DPYSL2: variants seen among roughly 807,000 people sequenced by gnomAD.
DPYSL2 encodes dihydropyrimidinase-related protein 2.
Under a neutral mutation model 69.9 loss-of-function variants are expected in DPYSL2, and 13 were observed. The observed-to-expected ratio is 0.19, with a 90% CI of 0.12 to 0.30. The LOEUF (loss-of-function observed/expected upper bound fraction) is 0.30, where lower values mean the gene tolerates loss of function less well. DPYSL2 is among the 10% of genes least tolerant of loss of function. DPYSL2 has a pLI of 1.00. For missense variants in DPYSL2, 587 were observed against 918.9 expected (o/e 0.64, Z 4.67); for synonymous variants, 326 against 359.1 (o/e 0.91, Z 1.04).
intron 3 of DPYSL2, among the ~76,000 whole-genome samples, chr8:26,596,463 G>T (rs1801863760): frequency 6.6e-6 from 1 of 152,254 alleles, no homozygotes; most frequent in Non-Finnish European, 1.5e-5. Flanking sequence ...GGAAGGGGAT[G>T]ACCCTAGCAG....
At chr8:26,537,611 T>TACACACAC (rs56080102) in intron 1 of DPYSL2, among the ~76,000 whole-genome samples, 1,744 of 147,602 alleles carry the variant, frequency 0.012, 41 homozygotes, top group African/African-American at 0.038. Flanking sequence ...ATTCTCTCTC[T>TACACACAC]ACACACACAC....
In DPYSL2 at chr8:26,653,158, C is replaced by T; in HGVS notation, c.1777-74C>T. 6.6e-7 allele frequency: 1 copy of T among 1,526,288 alleles called. No individual in the cohort carries two copies. The highest frequency in any genetic ancestry group is 1.8e-4 in the Middle Eastern group (1 of 5,694). The allele number at this position is 1,526,288 out of a possible 1,614,324, so 94.5% of individuals were successfully genotyped here. On this transcript the variant is annotated intron_variant, in intron 12 of 13. Transcript: ENST00000521913. The surrounding 1 kb of genome is among the most constrained non-coding windows in gnomAD (Gnocchi z 5.7). ...TCCCTAGATCTCACAGGCCCATCCTCCCTCCAGGAGGGTTTCTAGAGAGGT... is the reference window on the plus strand; with the variant it reads ...TCCCTAGATCTCACAGGCCCATCCTTCCTCCAGGAGGGTTTCTAGAGAGGT...
chr8:26,621,177 A>C lies in DPYSL2; in HGVS notation c.629-2966A>C, dbSNP rs1802473857. On this transcript the variant is annotated intron_variant, in intron 3 of 13. Transcript: ENST00000521913. The surrounding 1 kb of genome is among the most constrained non-coding windows in gnomAD (Gnocchi z 4.9). Reference sequence around the variant, plus strand: ...AATAGAATAAGGTATAATATATAGAAAAAAGGCAGTAAAAATACACCCAAA... The same window carrying C: ...AATAGAATAAGGTATAATATATAGACAAAAGGCAGTAAAAATACACCCAAA... Among the ~76,000 whole-genome samples the C allele has an allele frequency of 6.6e-6, 1 of 152,258 alleles. No homozygotes were observed. Among genetic ancestry groups the C allele is most frequent in the Non-Finnish European group, 1.5e-5 (1 of 68,054 alleles).
chr8:26,527,804 CTT>C (rs34631984), intron 1 of DPYSL2, among the ~76,000 whole-genome samples: 14 of 132,668 alleles, frequency 1.1e-4, no homozygotes, highest in African/African-American at 1.1e-4. Flanking sequence ...TTTGTTTATC[CTT>C]TTTTTTTTTT....
chr8:26,548,745 A>G (rs1163143776), intron 1 of DPYSL2, among the ~76,000 whole-genome samples: 1 of 151,386 alleles, frequency 6.6e-6, no homozygotes, highest in Non-Finnish European at 1.5e-5. Context: ...CAGACATGGT[A>G]GTGCATGCCT....
chr8:26,514,346 C>A lies in DPYSL2; in HGVS notation c.21C>A (p.Ser7=), dbSNP rs1013949665. MAERKQ[S]GKAAEDEEVP... ...GAGCCATGGCCGAGAGAAAGCAATC[C>A]GGGAAGGCGGCAGAGGACGAAGAGG... Residue 7 remains serine (S), a synonymous_variant, in exon 1 of 14, where the codon TCC becomes TCA. Coordinates refer to ENST00000521913, the MANE Select transcript of DPYSL2 (RefSeq NM_001197293.3). This position sits in a 1 kb window ranked among gnomAD's most constrained non-coding sequence, Gnocchi z 8.4. 13 of 1,472,712 alleles carry A rather than the reference C, an allele frequency of 8.8e-6. No individual in the cohort carries two copies. The highest frequency in any genetic ancestry group is 1.7e-4 in the Middle Eastern group (1 of 5,732). 91.2% of individuals were successfully genotyped at this position (1,472,712 alleles called of 1,614,324 possible). A position where few individuals can be genotyped will look rare whatever the true frequency, so the allele number is the denominator to read the frequency against.
intron 3 of DPYSL2, among the ~76,000 whole-genome samples, chr8:26,622,307 A>G (rs1802510727): frequency 6.6e-6 from 1 of 151,920 alleles, no homozygotes; most frequent in South Asian, 2.1e-4. Context: ...TTTGAACTGG[A>G]CATCATTTTT....
intron 7 of DPYSL2, among the ~76,000 whole-genome samples, chr8:26,632,198 T>TG (rs1387359019): frequency 6.6e-6 from 1 of 152,202 alleles, no homozygotes; most frequent in Non-Finnish European, 1.5e-5. Context: ...CATCTGGAAC[T>TG]GAACCATCTG....
At position 26,641,349 on chromosome 8, in the gene DPYSL2, C is replaced by T. The variant is rs1391008183; in HGVS notation, c.1127-2090C>T. 1.3e-5 allele frequency among the ~76,000 whole-genome samples: 2 copies of T among 152,240 alleles called. No individual in the cohort carries two copies. On this transcript the variant is annotated intron_variant, in intron 8 of 13. Coordinates refer to ENST00000521913, the MANE Select transcript of DPYSL2 (RefSeq NM_001197293.3). The surrounding 1 kb of genome is among the most constrained non-coding windows in gnomAD (Gnocchi z 4.1). ...GTTTTCCTGTGACTTACACAGCCCT[C>T]ACCTTTGTGCTTAGATGGACTGTGG... is the stretch of plus-strand genomic sequence containing the variant.
chr8:26,527,804 C>CTTTTT (rs34631984), intron 1 of DPYSL2, among the ~76,000 whole-genome samples: 2 of 132,718 alleles, frequency 1.5e-5, no homozygotes, highest in African/African-American at 5.6e-5. Flanking sequence ...TTTGTTTATC[C>CTTTTT]TTTTTTTTTT....
rs540135227 is a variant in DPYSL2 at position 26,597,720 on chromosome 8, C to T, written c.628+13737C>T. 5.8e-4 allele frequency among the ~76,000 whole-genome samples: 88 copies of T among 151,592 alleles called. No individual in the cohort carries two copies. The highest frequency in any genetic ancestry group is 2.4e-3 in the Admixed American group (36 of 15,250). ...CGATCTCCTGACCTTGTGATCCACCCGCCTCGGCCTCCCAAAGTGCTGGGA... is the reference window on the plus strand; with the variant it reads ...CGATCTCCTGACCTTGTGATCCACCTGCCTCGGCCTCCCAAAGTGCTGGGA... On this transcript the variant is annotated intron_variant, in intron 3 of 13. Transcript: ENST00000521913. The surrounding 1 kb of genome is among the most constrained non-coding windows in gnomAD (Gnocchi z 5.2).
chr8:26,590,266 G>A (rs537090118), intron 3 of DPYSL2, among the ~76,000 whole-genome samples: 13 of 152,212 alleles, frequency 8.5e-5, no homozygotes, highest in African/African-American at 2.7e-4. Context: ...AGAAAGCCAC[G>A]TTATCCAATG....
rs896439643 is a variant in DPYSL2 at position 26,598,015 on chromosome 8, C to T, written c.628+14032C>T. On this transcript the variant is annotated intron_variant, in intron 3 of 13. Coordinates refer to ENST00000521913, the MANE Select transcript of DPYSL2 (RefSeq NM_001197293.3). The surrounding 1 kb of genome is among the most constrained non-coding windows in gnomAD (Gnocchi z 4.2). ...TTATTAGCTCAGGCTCGGTGCCCCA[C>T]GGCTTGGTCCTGGTTTTCTGAATCG... is the stretch of plus-strand genomic sequence containing the variant. 1.3e-5 allele frequency among the ~76,000 whole-genome samples: 2 copies of T among 152,146 alleles called. No homozygotes were observed. The highest frequency in any genetic ancestry group is 2.9e-5 in the Non-Finnish European group (2 of 68,030).
rs533216354 is a variant in DPYSL2 at position 26,654,581 on chromosome 8, T to C, written c.1943-1034T>C. ...GTGTTTTCTGATCTCTCAAAGCTGT[T>C]CCAATATAAGGTGCCATCGTTCCTC... On this transcript the variant is annotated intron_variant, in intron 13 of 13. Transcript: ENST00000521913. This position sits in a 1 kb window ranked among gnomAD's most constrained non-coding sequence, Gnocchi z 5.0. Among the ~76,000 whole-genome samples, 6 of 152,300 alleles carry C rather than the reference T, an allele frequency of 3.9e-5. No individual in the cohort carries two copies. The highest frequency in any genetic ancestry group is 1.3e-4 in the Admixed American group (2 of 15,298).
intron 4 of DPYSL2, among the ~76,000 whole-genome samples, chr8:26,625,078 T>A (rs981621294): frequency 8.5e-5 from 13 of 152,120 alleles, no homozygotes; most frequent in African/African-American, 2.7e-4. Flanking sequence ...GTGAGTGACA[T>A]GGCAAGAGGG....
rs143178301 is a variant in DPYSL2 at position 26,602,432 on chromosome 8, G to A, written c.628+18449G>A. Among the ~76,000 whole-genome samples the A allele has an allele frequency of 2.2e-3, 339 of 152,246 alleles. 2 individuals carry two copies. The highest frequency in any genetic ancestry group is 7.8e-3 in the African/African-American group (324 of 41,532). ...TTTTGGATGTTTTGGATGTAACAGC[G>A]ATGAGATGGCCCCTCCCAGAGCTGA... On this transcript the variant is annotated intron_variant, in intron 3 of 13. Transcript: ENST00000521913.
intron 1 of DPYSL2, among the ~76,000 whole-genome samples, chr8:26,537,155 C>T (rs180720942): frequency 1.2e-4 from 19 of 152,074 alleles, no homozygotes; most frequent in Admixed American, 1.2e-3. Flanking sequence ...TAGGTAATTC[C>T]TACAGAGTTG....
At chr8:26,631,800 A>G (rs933585801) in intron 7 of DPYSL2, among the ~76,000 whole-genome samples, 4 of 152,114 alleles carry the variant, frequency 2.6e-5, no homozygotes, top group Admixed American at 1.3e-4. Flanking sequence ...AGGCTTGGAT[A>G]GTGGCAGAGC....
At position 26,565,082 on chromosome 8, in the gene DPYSL2, A is replaced by G. The variant is rs11135946; in HGVS notation, c.355-16887A>G. Among the ~76,000 whole-genome samples the G allele has an allele frequency of 0.1, 15,578 of 152,168 alleles. 883 individuals are homozygous for G. The highest frequency in any genetic ancestry group is 0.12 in the Non-Finnish European group (8,236 of 68,012). On this transcript the variant is annotated intron_variant, in intron 1 of 13. Coordinates refer to ENST00000521913, the MANE Select transcript of DPYSL2 (RefSeq NM_001197293.3). This position sits in a 1 kb window ranked among gnomAD's most constrained non-coding sequence, Gnocchi z 4.1. ...AATAATGGCTTCCAGCTCCACCCGA[A>G]TTACTGCAAAAGATATTATATCATT...
Sources: allele counts gnomAD v4.1 joint callset (sites outside exome capture counted in the v4.1 genomes callset), GRCh38; gene constraint gnomAD v4.1.1; non-coding constraint Gnocchi (gnomAD v3.1); transcripts MANE v1.5; gene names NCBI Gene and HGNC (gene_info 2026-07-23, HGNC 2026-07-21).